PNRC2: variants seen among roughly 807,000 people sequenced by gnomAD.
PNRC2 encodes proline rich nuclear receptor coactivator 2, also known as proline-rich nuclear receptor coactivator 2.
Under a neutral mutation model 12.2 loss-of-function variants are expected in PNRC2, and 2 were observed. The ratio of observed to expected loss-of-function variants is 0.16; its 90% CI spans 0.07 to 0.52. PNRC2 has a LOEUF of 0.52. Ranked by LOEUF, PNRC2 falls within the 20% of genes least tolerant of loss-of-function variation. PNRC2 has a pLI of 0.95. For missense variants in PNRC2, 115 were observed against 158.4 expected, an observed-to-expected ratio of 0.73 and a Z score of 1.47; for synonymous variants, 44 against 53.9, an observed-to-expected ratio of 0.82 and a Z score of 0.80.
Position 23,961,841 on chromosome 1 carries a change from A to AT in PNRC2, c.387dup (p.Gln130SerfsTer3). The AT allele has an allele frequency of 6.3e-7, 1 of 1,588,370 alleles. No individual in the cohort carries two copies. The highest frequency in any genetic ancestry group is 2.2e-5 in the East Asian group (1 of 44,712). On this transcript the variant is annotated frameshift_variant, in exon 3 of 3. Coordinates refer to ENST00000334351, the MANE Select transcript of PNRC2 (RefSeq NM_017761.4). LOFTEE classifies it high-confidence loss of function. ...ATCCTTCAGATAAGGAAATAATGAC[A>AT]TTTCAACTTAAAACCTTACTTAAAG...
upstream of PNRC2, among the ~76,000 whole-genome samples, chr1:23,959,661 C>G (rs1261026518): frequency 6.6e-6 from 1 of 152,188 alleles, no homozygotes; most frequent in Non-Finnish European, 1.5e-5. Context: ...TCCTCCTCCC[C>G]GGGCAGATTT....
intron 1 of PNRC2, among the ~76,000 whole-genome samples, 153 bp from the exon 2 acceptor site, chr1:23,960,776 G>C (rs1308730508): frequency 6.6e-6 from 1 of 152,184 alleles, no homozygotes; most frequent in Non-Finnish European, 1.5e-5. Context: ...AATGGTCGTG[G>C]TTATAAGGTC....
rs1053892951 is a variant in PNRC2 at position 23,963,433 on chromosome 1, T to G, written c.*1556T>G. On this transcript the variant is annotated 3_prime_UTR_variant, in exon 3 of 3. Transcript: ENST00000334351. Reference sequence around the variant, plus strand: ...TGAAGCATAAAATTAAATAAAATTTTTCCCCATTGGCTTGGTTTTATTTTA... The same window carrying G: ...TGAAGCATAAAATTAAATAAAATTTGTCCCCATTGGCTTGGTTTTATTTTA... The G allele has an allele frequency of 2.4e-5, 4 of 165,838 alleles. No individual in the cohort carries two copies. The highest frequency in any genetic ancestry group is 9.6e-5 in the African/African-American group (4 of 41,452). The allele number at this position is 165,838 out of a possible 1,614,324, so 10.3% of individuals were successfully genotyped here. A position where few individuals can be genotyped will look rare whatever the true frequency, so the allele number is the denominator to read the frequency against.
chr1:23,960,522 G>T lies in PNRC2; in HGVS notation c.-224-407G>T, dbSNP rs561057102. Among the ~76,000 whole-genome samples, 22 of 152,340 alleles carry T rather than the reference G, an allele frequency of 1.4e-4. No individual in the cohort carries two copies. In the South Asian group the frequency reaches 4.3e-3, roughly 30 times the overall value. On this transcript the variant is annotated intron_variant, in intron 1 of 2. Coordinates refer to ENST00000334351, the MANE Select transcript of PNRC2 (RefSeq NM_017761.4). ...ATGTTCCAAGAGACTGAAAATGGAT[G>T]TGACATGTGTGGAAAGATTGGAAAA...
At position 23,959,886 on chromosome 1, in the gene PNRC2, C is replaced by G. The variant is rs1458704086; in HGVS notation, c.-337C>G. 1 of 152,316 alleles carries G rather than the reference C, an allele frequency of 6.6e-6. No individual in the cohort carries two copies. The highest frequency in any genetic ancestry group is 2.4e-5 in the African/African-American group (1 of 41,468). The allele number at this position is 152,316 out of a possible 1,614,324, so 9.4% of individuals were successfully genotyped here. On this transcript the variant is annotated 5_prime_UTR_variant, in exon 1 of 3. Coordinates refer to ENST00000334351, the MANE Select transcript of PNRC2 (RefSeq NM_017761.4). The stretch of plus-strand genomic sequence containing the variant: ...AGAAGCTGGGGTGGCCGGCAGCTCG[C>G]TCATCGGTGTTCGTGGGCTTTGTCG...
At chr1:23,960,850 C>A (rs1311323655) in intron 1 of PNRC2, 79 bp from the exon 2 acceptor site, 11 of 396,684 alleles carry the variant, frequency 2.8e-5, no homozygotes, top group Non-Finnish European at 4.9e-5. Flanking sequence ...TCTTTACAGT[C>A]AACGATTTTC....
At position 23,960,997 on chromosome 1, in the gene PNRC2, A is replaced by G; in HGVS notation, c.-156A>G. 1 of 401,776 alleles carries G rather than the reference A, an allele frequency of 2.5e-6. No homozygotes were observed. Among genetic ancestry groups the G allele is most frequent in the Non-Finnish European group, 4.4e-6 (1 of 227,730 alleles). 24.9% of individuals were successfully genotyped at this position (401,776 alleles called of 1,614,324 possible). A position where few individuals can be genotyped will look rare whatever the true frequency, so the allele number is the denominator to read the frequency against. Reference sequence around the variant, plus strand: ...TGGCCTCAGCTCCTAGGCTGAACTCAGCAGATCGGCCCATGAAAACTTCTG... The same window carrying G: ...TGGCCTCAGCTCCTAGGCTGAACTCGGCAGATCGGCCCATGAAAACTTCTG... On this transcript the variant is annotated 5_prime_UTR_variant, in exon 2 of 3. Coordinates refer to ENST00000334351, the MANE Select transcript of PNRC2 (RefSeq NM_017761.4).
At position 23,962,654 on chromosome 1, in the gene PNRC2, T is replaced by C. The variant is rs1238425991; in HGVS notation, c.*777T>C. 1 of 167,072 alleles carries C rather than the reference T, an allele frequency of 6.0e-6. No individual in the cohort carries two copies. The highest frequency in any genetic ancestry group is 1.5e-5 in the Non-Finnish European group (1 of 68,086). The allele number at this position is 167,072 out of a possible 1,614,324, so 10.3% of individuals were successfully genotyped here. ...TAGGGGAGAAAGAGCCATGTAAATATCTGTAATAAACTTGTAGCATATGTA... is the reference window on the plus strand; with the variant it reads ...TAGGGGAGAAAGAGCCATGTAAATACCTGTAATAAACTTGTAGCATATGTA... On this transcript the variant is annotated 3_prime_UTR_variant, in exon 3 of 3. Coordinates refer to ENST00000334351, the MANE Select transcript of PNRC2 (RefSeq NM_017761.4).
chr1:23,961,338 C>A, intron 2 of PNRC2, 102 bp from the exon 3 acceptor site: 1 of 866,060 alleles, frequency 1.2e-6, no homozygotes, highest in Non-Finnish European at 1.8e-6. Context: ...GAGTCTTGTC[C>A]AAAATATCTG....
In PNRC2 at chr1:23,961,737, G is replaced by C; in HGVS notation, c.280G>C (p.Ala94Pro). 2 of 1,613,992 alleles carry C rather than the reference G, an allele frequency of 1.2e-6. No individual in the cohort carries two copies. Among genetic ancestry groups the C allele is most frequent in the Non-Finnish European group, 1.7e-6 (2 of 1,179,864 alleles). ...TAAATCTCAAGCTAATCAGAACTAT[G>C]CTGGTGCCAAATTTAGTGAGCCGCC... ...LFKSQANQNYAGAKFSEPPSP... is the reference protein window; with the variant it reads ...LFKSQANQNYPGAKFSEPPSP... Residue 94 changes from alanine (A) to proline (P), a missense_variant, in exon 3 of 3, where the codon GCT (alanine) becomes CCT (proline). Physicochemically the swap from Ala to Pro is conservative, Grantham distance 27 (BLOSUM62 -1). Transcript: ENST00000334351.
chr1:23,961,340 A>C, intron 2 of PNRC2, 100 bp from the exon 3 acceptor site: 1 of 882,874 alleles, frequency 1.1e-6, no homozygotes, highest in South Asian at 1.9e-5. Flanking sequence ...GTCTTGTCCA[A>C]AATATCTGGA....
Position 23,963,236 on chromosome 1 carries a change from ATT to A in PNRC2, c.*1362_*1363del, listed in dbSNP as rs1330685237. 4.2e-5 allele frequency: 7 copies of A among 167,040 alleles called. No homozygotes were observed. The highest frequency in any genetic ancestry group is 1.4e-4 in the African/African-American group (6 of 41,462). The allele number at this position is 167,040 out of a possible 1,614,324, so 10.3% of individuals were successfully genotyped here. A position where few individuals can be genotyped will look rare whatever the true frequency, so the allele number is the denominator to read the frequency against. On this transcript the variant is annotated 3_prime_UTR_variant, in exon 3 of 3. Coordinates refer to ENST00000334351, the MANE Select transcript of PNRC2 (RefSeq NM_017761.4). ...AGCAAGTATGTGGGTCAGCTTAAAA[ATT>A]TTGATTGTTAATGCCCTATTTTCTA...
Position 23,961,587 on chromosome 1 carries a change from G to C in PNRC2, c.130G>C (p.Glu44Gln). 5 of 1,613,900 alleles carry C rather than the reference G, an allele frequency of 3.1e-6. No individual in the cohort carries two copies. The highest frequency in any genetic ancestry group is 4.2e-6 in the Non-Finnish European group (5 of 1,179,804). The change falls in exon 3 of 3, where the codon GAA (glutamate) becomes CAA (glutamine). Residue 44 changes from glutamate to glutamine, a missense_variant. This residue lies in a region of PNRC2 where 98 missense variants were observed against 112.4 expected (regional missense o/e 0.87). Coordinates refer to ENST00000334351, the MANE Select transcript of PNRC2 (RefSeq NM_017761.4). ...SQMKIVHKKK[E>Q]RGHGYNSSAA... ...GATGAAGATTGTTCATAAGAAAAAAGAAAGAGGACATGGTTATAACTCATC... is the reference window on the plus strand; with the variant it reads ...GATGAAGATTGTTCATAAGAAAAAACAAAGAGGACATGGTTATAACTCATC...
chr1:23,959,623 G>A (rs1641238170), upstream of PNRC2, among the ~76,000 whole-genome samples: 1 of 152,172 alleles, frequency 6.6e-6, no homozygotes, highest in African/African-American at 2.4e-5. Context: ...TAAGACACCG[G>A]TGGACCGAGC....
At position 23,959,855 on chromosome 1, in the gene PNRC2, G is replaced by A. The variant is rs1211019051; in HGVS notation, c.-368G>A. The stretch of plus-strand genomic sequence containing the variant: ...CGGTAGAGGCAGAAGGAGAAGGTCG[G>A]GTTGTAGAAGCTGGGGTGGCCGGCA... On this transcript the variant is annotated 5_prime_UTR_variant, in exon 1 of 3. Coordinates refer to ENST00000334351, the MANE Select transcript of PNRC2 (RefSeq NM_017761.4). 6.6e-6 allele frequency: 1 copy of A among 152,334 alleles called. No homozygotes were observed. The highest frequency in any genetic ancestry group is 1.5e-5 in the Non-Finnish European group (1 of 68,096). 9.4% of individuals were successfully genotyped at this position (152,334 alleles called of 1,614,324 possible). A position where few individuals can be genotyped will look rare whatever the true frequency, so the allele number is the denominator to read the frequency against.
At chr1:23,959,450 T>C (rs1205355571), upstream of PNRC2, among the ~76,000 whole-genome samples, 1 of 152,168 alleles carries the variant, frequency 6.6e-6, no homozygotes, top group South Asian at 2.1e-4. Context: ...TCAGTGGCCC[T>C]AATTCGAGAA....
Position 23,960,261 on chromosome 1 carries a change from T to C in PNRC2, c.-225+263T>C, listed in dbSNP as rs369149369. 2.9e-3 allele frequency among the ~76,000 whole-genome samples: 438 copies of C among 152,332 alleles called. 2 individuals carry two copies. Among genetic ancestry groups the C allele is most frequent in the African/African-American group, 0.01 (425 of 41,568 alleles). On this transcript the variant is annotated intron_variant, in intron 1 of 2. Transcript: ENST00000334351. ...AAATGGCAATTTATTTAGGGTTGTTTATCTGTTTGGAAAGCTCTCTTACCC... is the reference window on the plus strand; with the variant it reads ...AAATGGCAATTTATTTAGGGTTGTTCATCTGTTTGGAAAGCTCTCTTACCC...
In PNRC2 at chr1:23,963,148, T is replaced by C. The variant is rs1456557615; in HGVS notation, c.*1271T>C. On this transcript the variant is annotated 3_prime_UTR_variant, in exon 3 of 3. Transcript: ENST00000334351. ...CCACTTATGCAAAAGATGTAAACTC[T>C]TGCATAATACATTGATAACATGTTT... is the stretch of plus-strand genomic sequence containing the variant. 1 of 167,054 alleles carries C rather than the reference T, an allele frequency of 6.0e-6. No individual in the cohort carries two copies. Among genetic ancestry groups the C allele is most frequent in the Non-Finnish European group, 1.5e-5 (1 of 68,072 alleles). The allele number at this position is 167,054 out of a possible 1,614,324, so 10.3% of individuals were successfully genotyped here.
At chr1:23,959,721 G>C (rs904371162), upstream of PNRC2, 5 of 152,724 alleles carry the variant, frequency 3.3e-5, no homozygotes, top group Non-Finnish European at 5.8e-5. Flanking sequence ...GCCAGCCCCA[G>C]CAACAGGCGG....
Sources: allele counts gnomAD v4.1 joint callset (sites outside exome capture counted in the v4.1 genomes callset), GRCh38; gene constraint gnomAD v4.1.1; regional missense constraint gnomAD v4.1.1; transcripts MANE v1.5; gene names NCBI Gene and HGNC (gene_info 2026-07-23, HGNC 2026-07-21).